The following PCDHA8 variants were observed in gnomAD, a reference collection of about 807,000 sequenced individuals.
PCDHA8 encodes protocadherin alpha 8.
Under a neutral mutation model 61.8 loss-of-function variants are expected in PCDHA8, and 53 were observed. The observed-to-expected ratio is 0.86, with a 90% CI of 0.69 to 1.08. PCDHA8 has a LOEUF of 1.08. Ranked by LOEUF, PCDHA8 falls within the 50% of genes least tolerant of loss-of-function variation. PCDHA8 has a pLI of 0.00. For synonymous variants in PCDHA8, 618 were observed against 556.6 expected (o/e 1.11, Z -1.55); for missense variants, 1,293 against 1,245.0 (o/e 1.04, Z -0.58).
At chr5:140,868,397 GATATGAA>G (rs1182982921) in intron 1 of PCDHA8, 2 of 152,062 alleles carry the variant, frequency 1.3e-5, no homozygotes, top group African/African-American at 2.4e-5. Flanking sequence ...ATAGAAAATA[GATATGAA>G]AATGCAAGCC....
chr5:140,952,338 C>CAAAAAAAA (rs55931446), intron 1 of PCDHA8, among the ~76,000 whole-genome samples: 1 of 135,028 alleles, frequency 7.4e-6, no homozygotes. Context: ...AACTCCATCT[C>CAAAAAAAA]AAAAAAAAAA....
intron 1 of PCDHA8, chr5:140,875,805 C>A: frequency 6.2e-7 from 1 of 1,614,172 alleles, no homozygotes; most frequent in Non-Finnish European, 8.5e-7. Context: ...TGATCGTGGA[C>A]AGGCCGCTGC....
intron 1 of PCDHA8, chr5:140,930,019 T>G (rs1454076883): frequency 6.6e-6 from 1 of 152,222 alleles, no homozygotes; most frequent in Non-Finnish European, 1.5e-5. Context: ...GATAGCTCCA[T>G]AGCAGTGTTT....
At chr5:140,897,881 C>T (rs1417702752) in intron 1 of PCDHA8, among the ~76,000 whole-genome samples, 1 of 152,194 alleles carries the variant, frequency 6.6e-6, no homozygotes. Context: ...GATTGCCATT[C>T]TAACTGGTGT....
chr5:140,907,087 G>A (rs1554192866), intron 1 of PCDHA8, among the ~76,000 whole-genome samples: 2 of 152,194 alleles, frequency 1.3e-5, no homozygotes, highest in Non-Finnish European at 2.9e-5. Flanking sequence ...GTGATGGTAA[G>A]TGGTGCCACT....
chr5:140,971,386 G>A (rs1413710321), intron 1 of PCDHA8, among the ~76,000 whole-genome samples: 1 of 152,140 alleles, frequency 6.6e-6, no homozygotes, highest in East Asian at 1.9e-4. Flanking sequence ...CTTTAATAAA[G>A]GCAAATTTCT....
At chr5:140,955,929 C>T (rs567378851) in intron 1 of PCDHA8, among the ~76,000 whole-genome samples, 1 of 152,252 alleles carries the variant, frequency 6.6e-6, no homozygotes, top group East Asian at 1.9e-4. Flanking sequence ...GGAGTTCATT[C>T]ATAATATGGC....
rs1554181343 is a variant in PCDHA8, at chr5:140,884,223, A to G, written c.2394+40508A>G. ...CACCACCGCCTTCTGGTGCTGGTGAAGGACCACGGTGAGCCCGCGCTGACG... is the reference window on the plus strand; with the variant it reads ...CACCACCGCCTTCTGGTGCTGGTGAGGGACCACGGTGAGCCCGCGCTGACG... On this transcript the variant is annotated intron_variant, in intron 1 of 3. Coordinates refer to ENST00000531613, the MANE Select transcript of PCDHA8 (RefSeq NM_018911.3). 1.1e-5 allele frequency: 17 copies of G among 1,613,364 alleles called. No homozygotes were observed. The highest frequency in any genetic ancestry group is 1.7e-5 in the Admixed American group (1 of 59,998).
chr5:140,866,893 A>G (rs961620387), intron 1 of PCDHA8: 1 of 152,138 alleles, frequency 6.6e-6, no homozygotes, highest in Admixed American at 6.5e-5. Context: ...ATACCCAGAT[A>G]TTAGGCTGAT....
intron 1 of PCDHA8, chr5:140,856,194 A>G (rs1299614347): frequency 1.3e-6 from 2 of 1,598,082 alleles, no homozygotes; most frequent in Non-Finnish European, 1.7e-6. Context: ...CGCATCGCGC[A>G]GGACCTGGGG....
chr5:141,002,879 A>G (rs2098100373), intron 3 of PCDHA8, among the ~76,000 whole-genome samples: 1 of 152,228 alleles, frequency 6.6e-6, no homozygotes, highest in Non-Finnish European at 1.5e-5. Flanking sequence ...TCAAGAACAG[A>G]AAGAGAACAA....
intron 1 of PCDHA8, chr5:140,875,942 C>T: frequency 1.2e-6 from 2 of 1,614,190 alleles, no homozygotes; most frequent in Non-Finnish European, 1.7e-6. Context: ...CTAGAGGGCG[C>T]TTCTGATGCG....
Position 140,850,212 on chromosome 5 carries a change from A to C in PCDHA8, c.2394+6497A>C, listed in dbSNP as rs1411639882. 10 of 1,593,368 alleles carry C rather than the reference A, an allele frequency of 6.3e-6. No individual in the cohort carries two copies. Among genetic ancestry groups the C allele is most frequent in the Non-Finnish European group, 8.6e-6 (10 of 1,167,568 alleles). ...GCTGCTGACACCTCGGATGAGGGGC[A>C]CTGACGGCGCAGTGAGCGAGATGGT... On this transcript the variant is annotated intron_variant, in intron 1 of 3. Transcript: ENST00000531613.
At chr5:140,852,249 T>C (rs2042280411) in intron 1 of PCDHA8, 1 of 535,278 alleles carries the variant, frequency 1.9e-6, no homozygotes, top group Non-Finnish European at 2.5e-6. Flanking sequence ...AAACACACTT[T>C]TGGAATATGC....
chr5:140,856,524 C>G, intron 1 of PCDHA8: 1 of 1,598,296 alleles, frequency 6.3e-7, no homozygotes, highest in Non-Finnish European at 8.6e-7. Context: ...GCATCTGATG[C>G]GGATGTTGGA....
intron 1 of PCDHA8, among the ~76,000 whole-genome samples, chr5:140,900,367 T>C (rs1554189080): frequency 6.6e-6 from 1 of 152,152 alleles, no homozygotes; most frequent in Non-Finnish European, 1.5e-5. Context: ...AACCTCTGCC[T>C]CCTGGGTTCA....
At chr5:140,914,964 T>A (rs1328203928) in intron 1 of PCDHA8, among the ~76,000 whole-genome samples, 18 of 131,662 alleles carry the variant, frequency 1.4e-4, no homozygotes, top group Non-Finnish European at 3.0e-4. Context: ...TTTTTTTTTC[T>A]GAGTCAGAGT....
At chr5:140,888,870 A>G (rs2062015576) in intron 1 of PCDHA8, among the ~76,000 whole-genome samples, 1 of 152,158 alleles carries the variant, frequency 6.6e-6, no homozygotes, top group Non-Finnish European at 1.5e-5. Flanking sequence ...ATGTCTCAAC[A>G]TAAAAATTAA....
chr5:140,928,939 T>C (rs367874769), intron 1 of PCDHA8: 1 of 1,614,130 alleles, frequency 6.2e-7, no homozygotes, highest in Non-Finnish European at 8.5e-7. Context: ...CCAGAACTTG[T>C]ATTTAGTAAT....
Sources: gnomAD v4.1 joint callset for allele counts (sites outside exome capture counted in the v4.1 genomes callset) on GRCh38, gnomAD v4.1.1 for gene constraint, MANE v1.5 for transcripts, NCBI Gene and HGNC (gene_info 2026-07-23, HGNC 2026-07-21) for gene names.